AGAP1: variants seen among roughly 807,000 people sequenced by gnomAD.
The protein encoded by AGAP1 is arf-GAP with GTPase, ANK repeat and PH domain-containing protein 1.
Under a neutral mutation model 105.3 loss-of-function variants are expected in AGAP1, and 29 were observed. That is an observed-to-expected ratio of 0.28 (90% CI 0.21 to 0.38). AGAP1 has a LOEUF of 0.38. Among genes scored for constraint, AGAP1 ranks in the 10% least tolerant of loss-of-function variants. AGAP1 has a pLI of 1.00. For missense variants in AGAP1, 998 were observed against 1,165.1 expected (o/e 0.86, Z 2.09); for synonymous variants, 509 against 485.9 (o/e 1.05, Z -0.63).
In AGAP1 at chr2:235,792,270, C is replaced by A. The variant is rs1957023259; in HGVS notation, c.674-5489C>A. ...TCTCTGTGTCTTCCTTAGTTCTCTG[C>A]CCCCACTTTTCCCCACCCTTCACGT... On this transcript the variant is annotated intron_variant, in intron 6 of 17. Coordinates refer to ENST00000304032, the MANE Select transcript of AGAP1 (RefSeq NM_001037131.3). This position sits in a 1 kb window ranked among gnomAD's most constrained non-coding sequence, Gnocchi z 5.3. Among the ~76,000 whole-genome samples the A allele has an allele frequency of 6.6e-6, 1 of 152,100 alleles. No homozygotes were observed. The highest frequency in any genetic ancestry group is 2.4e-5 in the African/African-American group (1 of 41,404).
chr2:235,593,513 C>G (rs575481105), intron 1 of AGAP1, among the ~76,000 whole-genome samples: 1 of 152,100 alleles, frequency 6.6e-6, no homozygotes, highest in East Asian at 1.9e-4. Context: ...TTAAAATCTT[C>G]GAGGTTTTTG....
intron 9 of AGAP1, among the ~76,000 whole-genome samples, chr2:235,858,271 CGTTA>C (rs1031909457): frequency 8.6e-5 from 13 of 152,012 alleles, no homozygotes; most frequent in African/African-American, 2.2e-4. Context: ...GTTTTGGTAG[CGTTA>C]GTTAAAAAAT....
intron 6 of AGAP1, among the ~76,000 whole-genome samples, chr2:235,757,247 C>T (rs898363025): frequency 3.9e-5 from 6 of 152,228 alleles, no homozygotes; most frequent in Admixed American, 6.5e-5. Context: ...GACTTCTGTC[C>T]TAGAACAGAT....
chr2:235,915,376 A>G (rs929299766), intron 11 of AGAP1, among the ~76,000 whole-genome samples: 3 of 152,200 alleles, frequency 2.0e-5, no homozygotes, highest in Non-Finnish European at 4.4e-5. Context: ...AATGAGGCAA[A>G]CAGAGAGCAC....
chr2:235,948,706 T>A (rs894507853), intron 12 of AGAP1, among the ~76,000 whole-genome samples: 2 of 152,024 alleles, frequency 1.3e-5, no homozygotes, highest in African/African-American at 2.4e-5. Flanking sequence ...GGCGGGTGTT[T>A]GAGACTTGGA....
rs984891580 is a variant in AGAP1 at position 235,845,963 on chromosome 2, G to A, written c.1051-37382G>A. Among the ~76,000 whole-genome samples the A allele has an allele frequency of 3.9e-5, 6 of 151,964 alleles. No individual in the cohort carries two copies. The highest frequency in any genetic ancestry group is 1.5e-4 in the African/African-American group (6 of 41,358). Reference sequence around the variant, plus strand: ...ACCCTTCAGCTGCAGCCACAGGGTTGAAATCTTTCCCAGGCCCTCCAGACC... The same window carrying A: ...ACCCTTCAGCTGCAGCCACAGGGTTAAAATCTTTCCCAGGCCCTCCAGACC... On this transcript the variant is annotated intron_variant, in intron 9 of 17. Coordinates refer to ENST00000304032, the MANE Select transcript of AGAP1 (RefSeq NM_001037131.3). This position sits in a 1 kb window ranked among gnomAD's most constrained non-coding sequence, Gnocchi z 4.8.
At chr2:235,756,026 G>A (rs982468158) in intron 6 of AGAP1, among the ~76,000 whole-genome samples, 1 of 152,208 alleles carries the variant, frequency 6.6e-6, no homozygotes, top group African/African-American at 2.4e-5. Flanking sequence ...TAGCAACAGG[G>A]CCCCTTTGAG....
intron 1 of AGAP1, among the ~76,000 whole-genome samples, chr2:235,529,484 G>A (rs1400908834): frequency 6.6e-6 from 1 of 152,216 alleles, no homozygotes; most frequent in East Asian, 1.9e-4. Flanking sequence ...GGCAGGAGGT[G>A]CAGATCTCTC....
chr2:235,601,001 G>A lies in AGAP1; in HGVS notation c.163+106152G>A, dbSNP rs562303655. ...CCCCAGATCTCAGAGTCCTGGTAAC[G>A]CCTCTCCTCTTCTCACTGCCTTCAG... On this transcript the variant is annotated intron_variant, in intron 1 of 17. Transcript: ENST00000304032. This position sits in a 1 kb window ranked among gnomAD's most constrained non-coding sequence, Gnocchi z 4.4. Among the ~76,000 whole-genome samples the A allele has an allele frequency of 9.9e-5, 15 of 151,444 alleles. No individual in the cohort carries two copies. In the South Asian group the frequency reaches 1.5e-3, roughly 15 times the overall value.
rs2057396342 is a variant in AGAP1, at chr2:236,036,782, G to A, written c.1800+67G>A. The A allele has an allele frequency of 6.3e-7, 1 of 1,583,116 alleles. No homozygotes were observed. On this transcript the variant is annotated intron_variant, in intron 14 of 17. Transcript: ENST00000304032. This position sits in a 1 kb window ranked among gnomAD's most constrained non-coding sequence, Gnocchi z 5.7. The stretch of plus-strand genomic sequence containing the variant: ...AGGGGGAGTGCGGGCCCCAAGTAAT[G>A]CCCCAGGGAGGAGAAAATAGAGGAC...
At chr2:235,685,603 C>G (rs544978609) in intron 1 of AGAP1, among the ~76,000 whole-genome samples, 2 of 151,738 alleles carry the variant, frequency 1.3e-5, no homozygotes, top group South Asian at 2.1e-4. Flanking sequence ...TCTGGACAGC[C>G]GAAGGCCCAT....
rs576002942 is a variant in AGAP1 at position 235,777,955 on chromosome 2, G to C, written c.674-19804G>C. Among the ~76,000 whole-genome samples, 9 of 152,130 alleles carry C rather than the reference G, an allele frequency of 5.9e-5. No individual in the cohort carries two copies. Among genetic ancestry groups the C allele is most frequent in the Non-Finnish European group, 8.8e-5 (6 of 68,042 alleles). ...GAGGGGACTTCCTTGGCCCCTCCTG[G>C]CTCTGCCCTGAGCCCGCTGCCCTCA... On this transcript the variant is annotated intron_variant, in intron 6 of 17. Coordinates refer to ENST00000304032, the MANE Select transcript of AGAP1 (RefSeq NM_001037131.3). This position sits in a 1 kb window ranked among gnomAD's most constrained non-coding sequence, Gnocchi z 5.1.
chr2:236,092,305 A>G lies in AGAP1; in HGVS notation c.2115-27887A>G, dbSNP rs538153643. 6.6e-6 allele frequency among the ~76,000 whole-genome samples: 1 copy of G among 152,368 alleles called. No individual in the cohort carries two copies. Among genetic ancestry groups the G allele is most frequent in the South Asian group, 2.1e-4 (1 of 4,826 alleles). On this transcript the variant is annotated intron_variant, in intron 16 of 17. Transcript: ENST00000304032. The surrounding 1 kb of genome is among the most constrained non-coding windows in gnomAD (Gnocchi z 4.7). ...TGTATCCATATCCTATGGTGATAAC[A>G]TACTACAGTTTTTCAAGATACTGCC... is the stretch of plus-strand genomic sequence containing the variant.
In AGAP1 at chr2:235,982,894, G is replaced by A. The variant is rs529964817; in HGVS notation, c.1645+14271G>A. On this transcript the variant is annotated intron_variant, in intron 13 of 17. Transcript: ENST00000304032. This position sits in a 1 kb window ranked among gnomAD's most constrained non-coding sequence, Gnocchi z 4.9. ...GCCCAGGAGAGCCACTTTTTCCCAC[G>A]TTCTTTTACTTGAGTTCTGAGACAA... Among the ~76,000 whole-genome samples, 41 of 152,164 alleles carry A rather than the reference G, an allele frequency of 2.7e-4. No homozygotes were observed. Among genetic ancestry groups the A allele is most frequent in the Non-Finnish European group, 4.7e-4 (32 of 68,022 alleles).
chr2:235,961,437 T>A lies in AGAP1; in HGVS notation c.1484-7025T>A, dbSNP rs1395589328. Among the ~76,000 whole-genome samples the A allele has an allele frequency of 1.3e-5, 2 of 152,128 alleles. No homozygotes were observed. The highest frequency in any genetic ancestry group is 2.9e-5 in the Non-Finnish European group (2 of 68,018). ...GTCCACTGATGCAGCACCTGCAGGG[T>A]GCCGCCGGCCCCAGCAAGGACACAC... On this transcript the variant is annotated intron_variant, in intron 12 of 17. Coordinates refer to ENST00000304032, the MANE Select transcript of AGAP1 (RefSeq NM_001037131.3). This position sits in a 1 kb window ranked among gnomAD's most constrained non-coding sequence, Gnocchi z 5.9.
chr2:235,588,800 G>C (rs1027897203), intron 1 of AGAP1, among the ~76,000 whole-genome samples: 2 of 152,148 alleles, frequency 1.3e-5, no homozygotes, highest in African/African-American at 4.8e-5. Flanking sequence ...AGTCAGCTCT[G>C]TAGACACCAT....
At chr2:235,731,124 GT>G (rs1444474037) in intron 3 of AGAP1, among the ~76,000 whole-genome samples, 5 of 152,210 alleles carry the variant, frequency 3.3e-5, no homozygotes, top group Non-Finnish European at 5.9e-5. Context: ...GGGGATGGCT[GT>G]TTGTTTGGTG....
rs971615311 is a variant in AGAP1, at chr2:236,056,221, C to T, written c.2114+6940C>T. On this transcript the variant is annotated intron_variant, in intron 16 of 17. Coordinates refer to ENST00000304032, the MANE Select transcript of AGAP1 (RefSeq NM_001037131.3). The surrounding 1 kb of genome is among the most constrained non-coding windows in gnomAD (Gnocchi z 4.6). ...TGCATTTGCCTTTGAACCAGACAGA[C>T]AGAATGGTGCTCTCGGTTTATCATG... Among the ~76,000 whole-genome samples the T allele has an allele frequency of 6.6e-6, 1 of 152,176 alleles. No individual in the cohort carries two copies. The highest frequency in any genetic ancestry group is 2.4e-5 in the African/African-American group (1 of 41,458).
chr2:235,821,382 AT>A (rs200107062), intron 9 of AGAP1, among the ~76,000 whole-genome samples: 189 of 133,802 alleles, frequency 1.4e-3, no homozygotes, highest in Middle Eastern at 7.5e-3. Context: ...CAGAACTTCA[AT>A]TTTTTTTTTT....
Sources: gnomAD v4.1 joint callset for allele counts (sites outside exome capture counted in the v4.1 genomes callset) on GRCh38, gnomAD v4.1.1 for gene constraint, Gnocchi (gnomAD v3.1) non-coding constraint, MANE v1.5 for transcripts, NCBI Gene and HGNC (gene_info 2026-07-23, HGNC 2026-07-21) for gene names.